Variants in GSTM5 observed in about 807,000 individuals in gnomAD.
The protein encoded by GSTM5 is glutathione S-transferase mu 5.
A neutral mutation model predicts 29.0 loss-of-function variants in GSTM5; 24 were observed. The observed-to-expected ratio is 0.83, with a 90% confidence interval of 0.60 to 1.16. The LOEUF is 1.16. Among genes scored for constraint, GSTM5 ranks in the 50% most tolerant of loss-of-function variants. The pLI, the probability that GSTM5 is intolerant of heterozygous loss-of-function variation, is 0.00. For missense variants in GSTM5, 290 were observed against 263.0 expected (o/e 1.10, Z -0.71); for synonymous variants, 91 against 93.6 (o/e 0.97, Z 0.16).
chr1:109,714,672 C>T (rs539786494), intron 5 of GSTM5: 10 of 501,948 alleles, frequency 2.0e-5, no homozygotes, highest in South Asian at 7.5e-5. Flanking sequence ...GGTGCTCGGG[C>T]GCTCATGCGG....
At position 109,716,460 on chromosome 1, in the gene GSTM5, C is replaced by A. The variant is rs549174154; in HGVS notation, c.568-877C>A. 11 of 154,464 alleles carry A rather than the reference C, an allele frequency of 7.1e-5. No individual in the cohort carries two copies. In the South Asian group the frequency reaches 2.2e-3, roughly 31 times the overall value. 9.6% of individuals were successfully genotyped at this position (154,464 alleles called of 1,614,324 possible). A position where few individuals can be genotyped will look rare whatever the true frequency, so the allele number is the denominator to read the frequency against. The stretch of plus-strand genomic sequence containing the variant: ...AGGGAGCCCTGGATCTCTTTGAATT[C>A]TTTAGAAGTTACATGGTCATTGAAT... On this transcript the variant is annotated intron_variant, in intron 7 of 7. Coordinates refer to ENST00000256593, the MANE Select transcript of GSTM5 (RefSeq NM_000851.4).
intron 3 of GSTM5, 30 bp from the exon 4 acceptor site, chr1:109,713,454 C>G (rs938288027): frequency 6.2e-7 from 1 of 1,614,060 alleles, no homozygotes; most frequent in African/African-American, 1.3e-5. Flanking sequence ...GGTGGCCCAA[C>G]TGAGCTTCCC....
chr1:109,714,852 C>T (rs1431517251), intron 5 of GSTM5, 95 bp from the exon 6 acceptor site: 17 of 1,182,374 alleles, frequency 1.4e-5, no homozygotes, highest in Non-Finnish European at 2.1e-5. Flanking sequence ...TGGCTGCTTG[C>T]CTGTGGCCAG....
At chr1:109,712,126 C>A (rs1220783859), upstream of GSTM5, 6 of 660,520 alleles carry the variant, frequency 9.1e-6, no homozygotes, top group African/African-American at 1.8e-5. Flanking sequence ...GACTGGGAGG[C>A]GGGAGGGGGC....
upstream of GSTM5, chr1:109,712,240 C>T: frequency 6.6e-7 from 1 of 1,515,534 alleles, no homozygotes; most frequent in Middle Eastern, 1.7e-4. Context: ...CCCGCCTGTC[C>T]CCTCCTGGGC....
intron 7 of GSTM5, chr1:109,717,107 G>A (rs1254138493): frequency 6.7e-6 from 3 of 445,308 alleles, no homozygotes; most frequent in Admixed American, 3.5e-5. Context: ...ACCCAGCACA[G>A]TGTAGATCTT....
At chr1:109,713,908 T>C in intron 5 of GSTM5, 147 bp downstream of exon 5, 4 of 511,118 alleles carry the variant, frequency 7.8e-6, no homozygotes, top group Non-Finnish European at 1.5e-5. Flanking sequence ...TCCACACGAA[T>C]CTTCTCCTCT....
rs1470579691 is a variant in GSTM5, at chr1:109,717,120, G to A, written c.568-217G>A. ...GCACCCAGCACAGTGTAGATCTTTC[G>A]TAAATGGTAGCTGTTATTATGGTAT... On this transcript the variant is annotated intron_variant, in intron 7 of 7. Coordinates refer to ENST00000256593, the MANE Select transcript of GSTM5 (RefSeq NM_000851.4). 3.4e-5 allele frequency: 9 copies of A among 268,244 alleles called. No homozygotes were observed. The South Asian group carries it at 5.7e-4, about 17-fold the overall frequency. 16.6% of individuals were successfully genotyped at this position (268,244 alleles called of 1,614,324 possible). A position where few individuals can be genotyped will look rare whatever the true frequency, so the allele number is the denominator to read the frequency against.
In GSTM5 at chr1:109,715,871, C is replaced by G. The variant is rs528437100; in HGVS notation, c.567+631C>G. On this transcript the variant is annotated intron_variant, in intron 7 of 7. Coordinates refer to ENST00000256593, the MANE Select transcript of GSTM5 (RefSeq NM_000851.4). ...GCAGTGTGTGTTGAAGTGCTCTGTG[C>G]TGGGGCACTCTCCTTCTTTATCTTT... 2.7e-4 allele frequency: 148 copies of G among 540,058 alleles called. 4 individuals carry two copies. Among genetic ancestry groups the G allele is most frequent in the South Asian group, 2.2e-3 (144 of 65,168 alleles). The allele number at this position is 540,058 out of a possible 1,614,324, so 33.5% of individuals were successfully genotyped here. A position where few individuals can be genotyped will look rare whatever the true frequency, so the allele number is the denominator to read the frequency against.
rs1297055396 is a variant in GSTM5 at position 109,717,939 on chromosome 1, G to A, written c.*513G>A. On this transcript the variant is annotated 3_prime_UTR_variant, in exon 8 of 8. Transcript: ENST00000256593. The stretch of plus-strand genomic sequence containing the variant: ...TTCTGTTGTCCACAGCCAGAGCTTA[G>A]TGGATGGGTGTGTGTGTGTGTGTGT... 1 of 155,748 alleles carries A rather than the reference G, an allele frequency of 6.4e-6. No individual in the cohort carries two copies. Among genetic ancestry groups the A allele is most frequent in the Non-Finnish European group, 1.4e-5 (1 of 70,392 alleles). 9.6% of individuals were successfully genotyped at this position (155,748 alleles called of 1,614,324 possible).
Position 109,712,399 on chromosome 1 carries a change from G to A in GSTM5, c.36+51G>A, listed in dbSNP as rs903805149. On this transcript the variant is annotated intron_variant, in intron 1 of 7. Transcript: ENST00000256593. ...GGACAGGGGGCGGAGGCGGGGATGT[G>A]TGGAGTAGCTGCAGGACTGGCTCTA... 9.4e-6 allele frequency: 15 copies of A among 1,592,818 alleles called. No individual in the cohort carries two copies. The Admixed American group carries it at 2.2e-4, about 23-fold the overall frequency.
chr1:109,712,158 G>A (rs1191967633), upstream of GSTM5: 5 of 802,744 alleles, frequency 6.2e-6, no homozygotes, highest in Admixed American at 2.0e-5. Flanking sequence ...AGCCCCGGGC[G>A]CTCGCTCGGG....
At chr1:109,715,809 G>C in intron 7 of GSTM5, 1 of 418,562 alleles carries the variant, frequency 2.4e-6, no homozygotes, top group South Asian at 2.0e-5. Context: ...TGTGGCTGGA[G>C]CTGGATTAGG....
upstream of GSTM5, among the ~76,000 whole-genome samples, chr1:109,711,917 T>A (rs571192674): frequency 0.18 from 19,332 of 104,708 alleles, 2,280 homozygotes; most frequent in East Asian, 0.42. Flanking sequence ...GCTGAGGGAT[T>A]CTGCGGGCAG....
intron 7 of GSTM5, chr1:109,717,043 G>A (rs1648768315): frequency 7.7e-6 from 2 of 259,006 alleles, no homozygotes; most frequent in African/African-American, 2.2e-5. Flanking sequence ...GACCATGGAG[G>A]GTAGTCGAGT....
chr1:109,712,132 G>A (rs1648537260), upstream of GSTM5: 1 of 688,590 alleles, frequency 1.5e-6, no homozygotes, highest in Non-Finnish European at 2.6e-6. Flanking sequence ...GAGGCGGGAG[G>A]GGGCTTATTG....
intron 7 of GSTM5, chr1:109,715,837 C>G (rs1269106107): frequency 8.6e-6 from 4 of 463,484 alleles, no homozygotes; most frequent in Non-Finnish European, 1.7e-5. Context: ...TGTGGGTGCC[C>G]CTGTTGAAGC....
intron 1 of GSTM5, 124 bp from the exon 2 acceptor site, chr1:109,712,494 G>A (rs1397594874): frequency 5.3e-6 from 7 of 1,319,496 alleles, no homozygotes; most frequent in African/African-American, 1.4e-5. Flanking sequence ...GTGTTTGGGG[G>A]TGGGGGCGGG....
intron 5 of GSTM5, 140 bp from the exon 6 acceptor site, chr1:109,714,807 C>A: frequency 1.3e-6 from 1 of 778,110 alleles, no homozygotes. Context: ...CCAATTGAAG[C>A]CTGGGCACTG....
Sources: allele counts gnomAD v4.1 joint callset (sites outside exome capture counted in the v4.1 genomes callset), GRCh38; gene constraint gnomAD v4.1.1; transcripts MANE v1.5; gene names NCBI Gene and HGNC (gene_info 2026-07-23, HGNC 2026-07-21).